PCBP3: variants seen among roughly 807,000 people sequenced by gnomAD.
The protein encoded by PCBP3 is poly(rC)-binding protein 3.
Under a neutral mutation model 52.7 loss-of-function variants are expected in PCBP3, and 25 were observed. The ratio of observed to expected loss-of-function variants is 0.47; its 90% CI spans 0.35 to 0.66. The LOEUF is 0.66. Ranked by LOEUF, PCBP3 falls within the 30% of genes least tolerant of loss-of-function variation. PCBP3 has a pLI of 0.01. For synonymous variants in PCBP3, 162 were observed against 183.0 expected (o/e 0.89, Z 0.93); for missense variants, 391 against 490.3 (o/e 0.80, Z 1.91).
chr21:45,750,300 C>T (rs1242765191), intron 3 of PCBP3: 2 of 151,894 alleles, frequency 1.3e-5, no homozygotes, highest in South Asian at 2.1e-4. Context: ...AGGACTTAGC[C>T]GTGGTTGGTT....
rs1441150327 is a variant in PCBP3 at position 45,726,587 on chromosome 21, C to T, written c.-199-8805C>T. On this transcript the variant is annotated intron_variant, in intron 2 of 17. Coordinates refer to ENST00000681687, the MANE Select transcript of PCBP3 (RefSeq NM_001384156.1). ...TGTCAGTGGGTTGCAGGCCCATGAT[C>T]CCGCCAGGCCTGTCCATCTGTCCCT... Among the ~76,000 whole-genome samples, 3 of 152,212 alleles carry T rather than the reference C, an allele frequency of 2.0e-5. No homozygotes were observed. The East Asian group carries it at 5.8e-4, about 29-fold the overall frequency.
intron 1 of PCBP3, among the ~76,000 whole-genome samples, chr21:45,655,549 A>G (rs1047971802): frequency 6.6e-6 from 1 of 152,136 alleles, no homozygotes; most frequent in African/African-American, 2.4e-5. Context: ...TGTACTGCTT[A>G]TTGGCCCTTT....
chr21:45,652,787 A>G (rs1285501890), intron 1 of PCBP3, among the ~76,000 whole-genome samples: 1 of 152,160 alleles, frequency 6.6e-6, no homozygotes, highest in East Asian at 1.9e-4. Flanking sequence ...TGTGCCTGTG[A>G]GTGAAATTGG....
chr21:45,708,009 T>A (rs1218131064), intron 2 of PCBP3, among the ~76,000 whole-genome samples: 1 of 152,248 alleles, frequency 6.6e-6, no homozygotes, highest in Non-Finnish European at 1.5e-5. Flanking sequence ...AGCCCAGGTA[T>A]CTTCAGTGGC....
At chr21:45,923,490 C>G (rs1244197701) in intron 13 of PCBP3, among the ~76,000 whole-genome samples, 1 of 152,188 alleles carries the variant, frequency 6.6e-6, no homozygotes, top group African/African-American at 2.4e-5. Flanking sequence ...TCTGCAGGGC[C>G]CCAGTGGCAC....
chr21:45,910,052 A>AC (rs1398647462), intron 10 of PCBP3, among the ~76,000 whole-genome samples: 2 of 900 alleles, frequency 2.2e-3, no homozygotes, highest in South Asian at 0.045. Context: ...GACCCCCCCC[A>AC]CCACTGCCCA....
intron 2 of PCBP3, among the ~76,000 whole-genome samples, chr21:45,685,953 C>CT (rs2082129734): frequency 7.2e-6 from 1 of 138,754 alleles, no homozygotes; most frequent in African/African-American, 2.7e-5. Context: ...GAGTCTTACT[C>CT]TGTCGCTCAG....
At position 45,894,379 on chromosome 21, in the gene PCBP3, A is replaced by G. The variant is rs1480552552; in HGVS notation, c.11-1829A>G. Among the ~76,000 whole-genome samples, 5 of 152,100 alleles carry G rather than the reference A, an allele frequency of 3.3e-5. No individual in the cohort carries two copies. The East Asian group carries it at 7.7e-4, about 24-fold the overall frequency. ...ATGGGGAGGAGAGTTTTTAATTAAA[A>G]GGGAGGCACAGAGCTCCAGACCAGC... On this transcript the variant is annotated intron_variant, in intron 5 of 17. Coordinates refer to ENST00000681687, the MANE Select transcript of PCBP3 (RefSeq NM_001384156.1).
intron 4 of PCBP3, among the ~76,000 whole-genome samples, chr21:45,814,985 GTGAGTGAGTGGTGA>G (rs2092836921): frequency 2.0e-5 from 2 of 101,198 alleles, no homozygotes; most frequent in East Asian, 3.4e-4. Flanking sequence ...TGAGTGAGTG[GTGAGTGAGTGGTGA>G]GTGAGTGGTG....
chr21:45,857,850 G>A (rs1049633492), intron 5 of PCBP3, among the ~76,000 whole-genome samples: 1 of 152,162 alleles, frequency 6.6e-6, no homozygotes, highest in Non-Finnish European at 1.5e-5. Context: ...TGCCACTCTT[G>A]GACCCATGAG....
intron 4 of PCBP3, among the ~76,000 whole-genome samples, chr21:45,787,775 T>C (rs542482022): frequency 8.5e-5 from 13 of 152,146 alleles, no homozygotes; most frequent in Non-Finnish European, 1.9e-4. Context: ...TTGGTTGGGG[T>C]CTGTAGCATG....
chr21:45,869,599 C>A (rs1173292950), intron 5 of PCBP3, among the ~76,000 whole-genome samples: 1 of 152,230 alleles, frequency 6.6e-6, no homozygotes, highest in Non-Finnish European at 1.5e-5. Flanking sequence ...TGTCAACATG[C>A]ATGTGGGCTG....
At chr21:45,929,816 T>A in intron 13 of PCBP3, 101 bp from the exon 14 acceptor site, 1 of 862,712 alleles carries the variant, frequency 1.2e-6, no homozygotes, top group Non-Finnish European at 2.0e-6. Flanking sequence ...TGGCCCTCTT[T>A]CTATCTATCT....
intron 2 of PCBP3, among the ~76,000 whole-genome samples, chr21:45,682,473 C>T (rs993689054): frequency 6.6e-6 from 1 of 152,072 alleles, no homozygotes; most frequent in African/African-American, 2.4e-5. Flanking sequence ...TGTAACCAGG[C>T]AAAAACTGAA....
intron 4 of PCBP3, among the ~76,000 whole-genome samples, chr21:45,804,890 GA>G (rs1302874337): frequency 6.6e-6 from 1 of 152,050 alleles, no homozygotes; most frequent in Non-Finnish European, 1.5e-5. Context: ...GTGTTCCTGG[GA>G]GTCAGGCTTA....
chr21:45,721,793 A>G (rs1362515747), intron 2 of PCBP3, among the ~76,000 whole-genome samples: 1 of 152,120 alleles, frequency 6.6e-6, no homozygotes, highest in Non-Finnish European at 1.5e-5. Flanking sequence ...GATGAAGCAA[A>G]TGTATGTGCA....
intron 2 of PCBP3, among the ~76,000 whole-genome samples, chr21:45,725,587 C>T (rs2084965583): frequency 6.6e-6 from 1 of 152,244 alleles, no homozygotes; most frequent in Non-Finnish European, 1.5e-5. Flanking sequence ...TTCCCGGTCT[C>T]AGAGTGGCAG....
At position 45,664,928 on chromosome 21, in the gene PCBP3, T is replaced by C. The variant is rs377241816; in HGVS notation, c.-278-3946T>C. ...TGATGATTTCCAATTTCATCCGTGATGTTTTTCATATGGTTGTGTCATCTA... is the reference window on the plus strand; with the variant it reads ...TGATGATTTCCAATTTCATCCGTGACGTTTTTCATATGGTTGTGTCATCTA... On this transcript the variant is annotated intron_variant, in intron 1 of 17. Coordinates refer to ENST00000681687, the MANE Select transcript of PCBP3 (RefSeq NM_001384156.1). 8.5e-5 allele frequency among the ~76,000 whole-genome samples: 13 copies of C among 152,230 alleles called. No homozygotes were observed. The East Asian group carries it at 2.5e-3, about 29-fold the overall frequency.
chr21:45,877,585 C>A (rs1238874525), intron 5 of PCBP3, among the ~76,000 whole-genome samples: 1 of 152,206 alleles, frequency 6.6e-6, no homozygotes. Context: ...AGCCAAATCA[C>A]CTGAGGTCAG....
Sources: gnomAD v4.1 joint callset for allele counts (sites outside exome capture counted in the v4.1 genomes callset) on GRCh38, gnomAD v4.1.1 for gene constraint, MANE v1.5 for transcripts, NCBI Gene and HGNC (gene_info 2026-07-23, HGNC 2026-07-21) for gene names.